Variants in CNOT6L observed in about 807,000 individuals in gnomAD.
CNOT6L encodes CCR4-NOT transcription complex subunit 6 like.
A neutral mutation model predicts 64.0 loss-of-function variants in CNOT6L; 7 were observed. The ratio of observed to expected loss-of-function variants is 0.11; its 90% confidence interval spans 0.06 to 0.21. CNOT6L has a LOEUF of 0.21. Among genes scored for constraint, CNOT6L ranks in the 10% least tolerant of loss-of-function variants. CNOT6L has a pLI of 1.00. For synonymous variants in CNOT6L, 193 were observed against 243.4 expected, an observed-to-expected ratio of 0.79 and a Z score of 1.93; for missense variants, 245 against 669.0, an observed-to-expected ratio of 0.37 and a Z score of 6.99.
intron 10 of CNOT6L, among the ~76,000 whole-genome samples, chr4:77,727,054 G>C (rs1721932505): frequency 6.6e-6 from 1 of 152,156 alleles, no homozygotes; most frequent in Admixed American, 6.5e-5. Flanking sequence ...ATGATGATTA[G>C]TGCACTGTTA....
At position 77,743,586 on chromosome 4, in the gene CNOT6L, C is replaced by CTTTTTTTTTTTTTTTTTTTTTTT. The variant is rs142888128; in HGVS notation, c.717+1109_717+1131dup. 4.2e-5 allele frequency among the ~76,000 whole-genome samples: 3 copies of CTTTTTTTTTTTTTTTTTTTTTTT among 70,872 alleles called. 1 individual carries two copies. The highest frequency in any genetic ancestry group is 2.1e-4 in the African/African-American group (3 of 14,618). The allele number at this position is 70,872 out of a possible 152,430, so 46.5% of individuals were successfully genotyped here. A position where few individuals can be genotyped will look rare whatever the true frequency, so the allele number is the denominator to read the frequency against. On this transcript the variant is annotated intron_variant, in intron 7 of 11. Transcript: ENST00000504123. ...GAATGTGTGAAATTGTAACACACAA[C>CTTTTTTTTTTTTTTTTTTTTTTT]TTTTTTTTTTTTTTTTTTTTTTTTT...
intron 3 of CNOT6L, among the ~76,000 whole-genome samples, chr4:77,773,935 A>G (rs2110060452): frequency 6.6e-6 from 1 of 152,286 alleles, no homozygotes; most frequent in Admixed American, 6.5e-5. Context: ...AAAAGCAAGT[A>G]AAGGATAGTG....
At chr4:77,782,640 CCTTT>C (rs1728989504) in intron 1 of CNOT6L, among the ~76,000 whole-genome samples, 2 of 65,188 alleles carry the variant, frequency 3.1e-5, no homozygotes, top group Admixed American at 2.2e-4. Context: ...CAGTGCCTAG[CCTTT>C]TTTTTTTTTT....
chr4:77,741,561 C>A (rs577620988), intron 8 of CNOT6L, among the ~76,000 whole-genome samples: 26 of 152,244 alleles, frequency 1.7e-4, no homozygotes, highest in African/African-American at 6.3e-4. Flanking sequence ...CCCAGGCAGA[C>A]CTCTATCTTA....
intron 1 of CNOT6L, among the ~76,000 whole-genome samples, chr4:77,778,928 T>G (rs940992143): frequency 6.6e-6 from 1 of 151,012 alleles, no homozygotes; most frequent in African/African-American, 2.4e-5. Context: ...GCGCCTGTAG[T>G]CCCAGCTACT....
chr4:77,774,842 AT>A, intron 2 of CNOT6L, 126 bp from the exon 3 acceptor site: 2 of 567,720 alleles, frequency 3.5e-6, no homozygotes, highest in Non-Finnish European at 2.9e-6. Context: ...TGACATTTTA[AT>A]TTTTTATTTA....
At chr4:77,771,786 G>A (rs1181190243) in intron 4 of CNOT6L, among the ~76,000 whole-genome samples, 2 of 152,138 alleles carry the variant, frequency 1.3e-5, no homozygotes, top group Non-Finnish European at 1.5e-5. Flanking sequence ...AAAAGCAAAT[G>A]CAGGCAGAAC....
upstream of CNOT6L, chr4:77,819,440 GACGCAA>G: frequency 6.3e-7 from 1 of 1,575,698 alleles, no homozygotes; most frequent in South Asian, 1.1e-5. Context: ...CGCAGACGCA[GACGCAA>G]ACACAAACAC....
intron 1 of CNOT6L, among the ~76,000 whole-genome samples, chr4:77,805,282 A>T (rs1233057060): frequency 2.6e-5 from 4 of 152,212 alleles, no homozygotes; most frequent in African/African-American, 9.6e-5. Context: ...CAAAACAGAC[A>T]TGATGCAATA....
intron 5 of CNOT6L, among the ~76,000 whole-genome samples, chr4:77,754,887 G>GAAAAAAAAAAAAA (rs1725286474): frequency 1.6e-4 from 2 of 12,298 alleles, no homozygotes; most frequent in Non-Finnish European, 3.6e-4. Flanking sequence ...AACATTAGAA[G>GAAAAAAAAAAAAA]TAAAAAAAAA....
At chr4:77,732,965 A>G (rs370887289) in intron 8 of CNOT6L, among the ~76,000 whole-genome samples, 2 of 152,080 alleles carry the variant, frequency 1.3e-5, no homozygotes, top group Non-Finnish European at 2.9e-5. Flanking sequence ...GGTTATCTGA[A>G]AGAGAAATGA....
At chr4:77,748,241 T>C in intron 6 of CNOT6L, 75 bp downstream of exon 6, 9 of 1,001,624 alleles carry the variant, frequency 9.0e-6, no homozygotes, top group Non-Finnish European at 1.4e-5. Flanking sequence ...AAGTCTTATT[T>C]ATTACAGATC....
chr4:77,724,467 T>C (rs1463524986), intron 11 of CNOT6L, among the ~76,000 whole-genome samples: 1 of 151,860 alleles, frequency 6.6e-6, no homozygotes, highest in Non-Finnish European at 1.5e-5. Context: ...GGCAAAACCC[T>C]GTCTGTACTA....
intron 4 of CNOT6L, 79 bp downstream of exon 4, chr4:77,773,002 C>T (rs1727750140): frequency 3.7e-6 from 3 of 800,326 alleles, no homozygotes; most frequent in African/African-American, 1.8e-5. Context: ...AAAACTCATA[C>T]TAAAACTTGA....
At chr4:77,772,766 C>CA (rs570491551) in intron 4 of CNOT6L, among the ~76,000 whole-genome samples, 1 of 151,852 alleles carries the variant, frequency 6.6e-6, no homozygotes, top group African/African-American at 2.4e-5. Flanking sequence ...ACTAAAAATA[C>CA]AAAAAAATTA....
intron 4 of CNOT6L, among the ~76,000 whole-genome samples, chr4:77,768,604 G>T (rs183194327): frequency 6.7e-6 from 1 of 149,612 alleles, no homozygotes; most frequent in East Asian, 2.0e-4. Flanking sequence ...ATAGAAAAAA[G>T]AACTCCTCCA....
intron 1 of CNOT6L, among the ~76,000 whole-genome samples, chr4:77,799,582 G>A (rs1197166857): frequency 6.6e-6 from 1 of 151,364 alleles, no homozygotes; most frequent in African/African-American, 2.4e-5. Flanking sequence ...GTGGGCGCCT[G>A]TAATCCCAGC....
intron 8 of CNOT6L, among the ~76,000 whole-genome samples, chr4:77,739,463 GGC>G (rs2109930125): frequency 6.6e-6 from 1 of 152,300 alleles, no homozygotes; most frequent in South Asian, 2.1e-4. Flanking sequence ...AGAAGCACCT[GGC>G]TTCAAAACTC....
Position 77,768,479 on chromosome 4 carries a change from ATATATATATATATATATAT to A in CNOT6L, c.400+4583_400+4601del, listed in dbSNP as rs1727135048. ...GACTCTGTCTAAAATAAATAAATATATATATATATATATATATATATATATATATATATATATTCTACTC... is the reference window on the plus strand; with the variant it reads ...GACTCTGTCTAAAATAAATAAATATAATATATATATATATATATTCTACTC... On this transcript the variant is annotated intron_variant, in intron 4 of 11. Transcript: ENST00000504123. Among the ~76,000 whole-genome samples, 4 of 3,760 alleles carry A rather than the reference ATATATATATATATATATAT, an allele frequency of 1.1e-3. No homozygotes were observed. The South Asian group carries it at 0.013, about 12-fold the overall frequency. 2.5% of individuals were successfully genotyped at this position (3,760 alleles called of 152,430 possible). A position where few individuals can be genotyped will look rare whatever the true frequency, so the allele number is the denominator to read the frequency against.
Sources: gnomAD v4.1 joint callset for allele counts (sites outside exome capture counted in the v4.1 genomes callset) on GRCh38, gnomAD v4.1.1 for gene constraint, MANE v1.5 for transcripts, NCBI Gene and HGNC (gene_info 2026-07-23, HGNC 2026-07-21) for gene names.